Variants in VIPR2 observed in about 807,000 individuals in gnomAD.
The protein encoded by VIPR2 is vasoactive intestinal polypeptide receptor 2.
A neutral mutation model predicts 58.0 loss-of-function variants in VIPR2; 48 were observed. That is an observed-to-expected ratio of 0.83 (90% CI 0.66 to 1.05). VIPR2 has a LOEUF of 1.05. Among genes scored for constraint, VIPR2 ranks in the 50% least tolerant of loss-of-function variants. The probability of loss-of-function intolerance (pLI) is 0.00; values close to 1 mark genes in which losing one functional copy is unlikely to be tolerated. For synonymous variants in VIPR2, 243 were observed against 235.2 expected (o/e 1.03, Z -0.30); for missense variants, 534 against 558.0 (o/e 0.96, Z 0.43).
At chr7:159,072,499 A>G (rs546317863) in intron 4 of VIPR2, among the ~76,000 whole-genome samples, 1 of 152,366 alleles carries the variant, frequency 6.6e-6, no homozygotes, top group African/African-American at 2.4e-5. Flanking sequence ...AAAATAAAGC[A>G]TTCAACTAAA....
chr7:159,037,000 C>A, intron 6 of VIPR2, 98 bp from the exon 7 acceptor site: 1 of 1,425,600 alleles, frequency 7.0e-7, no homozygotes. Flanking sequence ...CGCTTGGTAT[C>A]TGTGCAAGGA....
intron 4 of VIPR2, among the ~76,000 whole-genome samples, chr7:159,091,780 G>C (rs1857522395): frequency 6.6e-6 from 1 of 152,236 alleles, no homozygotes; most frequent in South Asian, 2.1e-4. Context: ...CTGCTTCCTA[G>C]TCAGCTGGGC....
At chr7:159,036,622 G>A (rs1224908855) in intron 7 of VIPR2, 130 bp downstream of exon 7, 1 of 1,188,362 alleles carries the variant, frequency 8.4e-7, no homozygotes, top group Non-Finnish European at 1.2e-6. Flanking sequence ...TCCTGGAAGA[G>A]CTCTTCATGA....
intron 3 of VIPR2, among the ~76,000 whole-genome samples, chr7:159,108,764 C>T (rs948402589): frequency 6.6e-6 from 1 of 152,206 alleles, no homozygotes; most frequent in Non-Finnish European, 1.5e-5. Flanking sequence ...AGCCAGAGTC[C>T]ATGCCAATTC....
At chr7:159,037,276 G>A (rs895740496) in intron 6 of VIPR2, among the ~76,000 whole-genome samples, 3 of 152,196 alleles carry the variant, frequency 2.0e-5, no homozygotes, top group Non-Finnish European at 2.9e-5. Context: ...CTTCAACACG[G>A]GAACCCCCGC....
chr7:159,076,368 T>A (rs1457459597), intron 4 of VIPR2, among the ~76,000 whole-genome samples: 2 of 152,228 alleles, frequency 1.3e-5, no homozygotes, highest in Non-Finnish European at 2.9e-5. Flanking sequence ...AAATGCCTTC[T>A]TTGTTATGCA....
At chr7:159,030,943 G>T (rs1464496635) in intron 12 of VIPR2, among the ~76,000 whole-genome samples, 154 bp from the exon 13 acceptor site, 1 of 152,270 alleles carries the variant, frequency 6.6e-6, no homozygotes, top group Non-Finnish European at 1.5e-5. Context: ...GGCCTTGGGG[G>T]CAGAGGCTGG....
rs143428278 is a variant in VIPR2, at chr7:159,069,045, C to T, written c.358-10467G>A. The stretch of plus-strand genomic sequence containing the variant: ...TACGGCCTTAGGCTTCACTGAGCCG[C>T]GTGAACCGTTCTGGTTCTGGTACCT... On this transcript the variant is annotated intron_variant, in intron 4 of 12. Transcript: ENST00000262178. Among the ~76,000 whole-genome samples, 232 of 152,312 alleles carry T rather than the reference C, an allele frequency of 1.5e-3. 1 individual carries two copies. The highest frequency in any genetic ancestry group is 4.8e-3 in the African/African-American group (200 of 41,566).
rs934222960 is a variant in VIPR2 at position 159,093,368 on chromosome 7, C to T, written c.357+10389G>A. 1.4e-4 allele frequency among the ~76,000 whole-genome samples: 22 copies of T among 152,154 alleles called. No individual in the cohort carries two copies. Among genetic ancestry groups the T allele is most frequent in the African/African-American group, 2.7e-4 (11 of 41,424 alleles). On this transcript the variant is annotated intron_variant, in intron 4 of 12. Transcript: ENST00000262178. The surrounding 1 kb of genome is among the most constrained non-coding windows in gnomAD (Gnocchi z 6.7). Reference sequence around the variant, plus strand: ...CTCAGACCAACCGTGTTTTAAGAAGCGTCCTTTAGTAGAAGTCAGGGCAGG... The same window carrying T: ...CTCAGACCAACCGTGTTTTAAGAAGTGTCCTTTAGTAGAAGTCAGGGCAGG...
At chr7:159,141,170 C>A (rs1585578408) in intron 2 of VIPR2, among the ~76,000 whole-genome samples, 1 of 152,230 alleles carries the variant, frequency 6.6e-6, no homozygotes, top group Admixed American at 6.5e-5. Context: ...AGACTGGCTG[C>A]CTCCTCCATC....
Position 159,034,480 on chromosome 7 carries a change from G to A in VIPR2, c.879+101C>T, listed in dbSNP as rs1011610024. On this transcript the variant is annotated intron_variant, in intron 9 of 12. Transcript: ENST00000262178. ...CTTTTCCGGGAAGGCTGAGTGATGCGTGGAATGGGGTCAGTTCTATTTAAT... is the reference window on the plus strand; with the variant it reads ...CTTTTCCGGGAAGGCTGAGTGATGCATGGAATGGGGTCAGTTCTATTTAAT... The A allele has an allele frequency of 4.4e-5, 59 of 1,354,890 alleles. No individual in the cohort carries two copies. The East Asian group carries it at 6.9e-4, about 16-fold the overall frequency. 83.9% of individuals were successfully genotyped at this position (1,354,890 alleles called of 1,614,324 possible). A position where few individuals can be genotyped will look rare whatever the true frequency, so the allele number is the denominator to read the frequency against.
chr7:159,032,370 C>T (rs1853649515), intron 10 of VIPR2, among the ~76,000 whole-genome samples: 1 of 152,236 alleles, frequency 6.6e-6, no homozygotes, highest in African/African-American at 2.4e-5. Context: ...GCAAGATTCC[C>T]TGTGAGTGAC....
At position 159,096,975 on chromosome 7, in the gene VIPR2, A is replaced by G. The variant is rs1251963135; in HGVS notation, c.357+6782T>C. 1 of 1,550,606 alleles carries G rather than the reference A, an allele frequency of 6.4e-7. No individual in the cohort carries two copies. Among genetic ancestry groups the G allele is most frequent in the African/African-American group, 1.4e-5 (1 of 73,178 alleles). ...TTGGCACCTGCTGGGCCTGAGGACC[A>G]TGAGGGGAGGCTTCCTTCAGAAAAG... On this transcript the variant is annotated intron_variant, in intron 4 of 12. Transcript: ENST00000262178. This position sits in a 1 kb window ranked among gnomAD's most constrained non-coding sequence, Gnocchi z 5.5.
intron 4 of VIPR2, among the ~76,000 whole-genome samples, chr7:159,082,443 C>T (rs1218090534): frequency 1.3e-5 from 2 of 151,444 alleles, no homozygotes; most frequent in Non-Finnish European, 2.9e-5. Flanking sequence ...GGAAGGGGAA[C>T]ATCACACACC....
At chr7:159,054,349 A>C (rs551903254) in intron 5 of VIPR2, among the ~76,000 whole-genome samples, 1 of 152,370 alleles carries the variant, frequency 6.6e-6, no homozygotes, top group African/African-American at 2.4e-5. Flanking sequence ...AATAAGCTTC[A>C]TTAAAGTTAA....
At chr7:159,035,511 T>A (rs1853879779) in intron 8 of VIPR2, among the ~76,000 whole-genome samples, 1 of 152,234 alleles carries the variant, frequency 6.6e-6, no homozygotes, top group Admixed American at 6.5e-5. Flanking sequence ...GTGGTCTCGC[T>A]CAGGGAGAGC....
intron 2 of VIPR2, among the ~76,000 whole-genome samples, chr7:159,130,856 T>C (rs1796883024): frequency 6.6e-6 from 1 of 152,206 alleles, no homozygotes; most frequent in African/African-American, 2.4e-5. Flanking sequence ...AAAAGCTCTG[T>C]TAATAATCTC....
intron 3 of VIPR2, among the ~76,000 whole-genome samples, chr7:159,107,652 G>A (rs968398691): frequency 6.6e-6 from 1 of 151,904 alleles, no homozygotes; most frequent in African/African-American, 2.4e-5. Flanking sequence ...ACCGCTGCAG[G>A]GCAGGGTTAG....
In VIPR2 at chr7:159,029,945, C is replaced by G. The variant is rs1366567512; in HGVS notation, c.*671G>C. The G allele has an allele frequency of 6.6e-6, 1 of 152,268 alleles. No homozygotes were observed. Among genetic ancestry groups the G allele is most frequent in the East Asian group, 1.9e-4 (1 of 5,184 alleles). The allele number at this position is 152,268 out of a possible 1,614,324, so 9.4% of individuals were successfully genotyped here. On this transcript the variant is annotated 3_prime_UTR_variant, in exon 13 of 13. Coordinates refer to ENST00000262178, the MANE Select transcript of VIPR2 (RefSeq NM_003382.5). The stretch of plus-strand genomic sequence containing the variant: ...CTGTCCTGCAGATGAGGGGGCTACC[C>G]TTATGGGACCTGGGAGGCCGCCCTG...
Sources: gnomAD v4.1 joint callset for allele counts (sites outside exome capture counted in the v4.1 genomes callset) on GRCh38, gnomAD v4.1.1 for gene constraint, Gnocchi (gnomAD v3.1) non-coding constraint, MANE v1.5 for transcripts, NCBI Gene and HGNC (gene_info 2026-07-23, HGNC 2026-07-21) for gene names.